The following ABTB3 variants were observed in gnomAD, a reference collection of about 807,000 sequenced individuals.
The protein encoded by ABTB3 is ankyrin repeat and BTB domain containing 3, also known as ankyrin repeat- and BTB/POZ domain-containing protein 3.
the ABTB3 span, among the ~76,000 whole-genome samples, chr12:107,512,380 A>G: frequency 6.6e-6 from 1 of 152,248 alleles, no homozygotes; most frequent in Non-Finnish European, 1.5e-5. Flanking sequence ...GGTAAGAAAC[A>G]CATCTATGCT....
the ABTB3 span, among the ~76,000 whole-genome samples, chr12:107,500,156 C>T: frequency 0.3 from 46,065 of 152,058 alleles, 9,111 homozygotes; most frequent in African/African-American, 0.56. Flanking sequence ...AACCATATCA[C>T]CCTGGTAGGA....
At chr12:107,526,079 T>C in the ABTB3 span, among the ~76,000 whole-genome samples, 5 of 152,106 alleles carry the variant, frequency 3.3e-5, no homozygotes, top group African/African-American at 1.2e-4. Context: ...GAATGTCAAA[T>C]GAATAATGAA....
At chr12:107,450,110 C>G in the ABTB3 span, among the ~76,000 whole-genome samples, 2 of 151,946 alleles carry the variant, frequency 1.3e-5, no homozygotes, top group Non-Finnish European at 2.9e-5. Context: ...TAATGAACAG[C>G]TCACAGAGAC....
chr12:107,552,657 A>C, the ABTB3 span, among the ~76,000 whole-genome samples: 1 of 152,220 alleles, frequency 6.6e-6, no homozygotes, highest in African/African-American at 2.4e-5. Flanking sequence ...AAAGTTAATG[A>C]AATCGAAGCC....
the ABTB3 span, among the ~76,000 whole-genome samples, chr12:107,530,282 C>G: frequency 1.3e-5 from 2 of 152,134 alleles, no homozygotes; most frequent in Non-Finnish European, 2.9e-5. Context: ...TTCTCCACTT[C>G]CTTTTGAATC....
At chr12:107,399,373 G>A in the ABTB3 span, among the ~76,000 whole-genome samples, 2 of 152,182 alleles carry the variant, frequency 1.3e-5, no homozygotes, top group Non-Finnish European at 2.9e-5. Context: ...TCCCCAAGCA[G>A]GGGCACAGCA....
the ABTB3 span, among the ~76,000 whole-genome samples, chr12:107,337,341 G>A: frequency 6.6e-6 from 1 of 152,198 alleles, no homozygotes; most frequent in Admixed American, 6.5e-5. Context: ...TTCTCAGCTG[G>A]ATCGGGATCT....
the ABTB3 span, among the ~76,000 whole-genome samples, chr12:107,375,902 G>A: frequency 6.6e-6 from 1 of 152,114 alleles, no homozygotes; most frequent in African/African-American, 2.4e-5. Flanking sequence ...TTCCTGCCTC[G>A]ACTGAGGCTG....
At chr12:107,525,199 C>T in the ABTB3 span, among the ~76,000 whole-genome samples, 9 of 151,598 alleles carry the variant, frequency 5.9e-5, no homozygotes, top group East Asian at 3.9e-4. Context: ...TGGTGGCATG[C>T]GCCTGTAGTC....
chr12:107,617,434 CAGGT>C, the ABTB3 span: 1 of 1,613,972 alleles, frequency 6.2e-7, no homozygotes. Flanking sequence ...CCCACGGACA[CAGGT>C]AGGCTAGGAT....
chr12:107,358,971 C>T, the ABTB3 span, among the ~76,000 whole-genome samples: 1 of 152,208 alleles, frequency 6.6e-6, no homozygotes, highest in South Asian at 2.1e-4. Context: ...GCATCCAGGC[C>T]AGGCCTGACT....
chr12:107,344,719 G>A, the ABTB3 span, among the ~76,000 whole-genome samples: 60 of 152,226 alleles, frequency 3.9e-4, no homozygotes, highest in African/African-American at 1.2e-3. Flanking sequence ...ATTTGTTAAA[G>A]CAGAGGTAGA....
the ABTB3 span, among the ~76,000 whole-genome samples, chr12:107,504,852 C>T: frequency 1.3e-5 from 2 of 152,240 alleles, no homozygotes; most frequent in Non-Finnish European, 2.9e-5. Flanking sequence ...TGTGAAGTCT[C>T]TCCATTTCTT....
chr12:107,539,068 C>T, the ABTB3 span, among the ~76,000 whole-genome samples: 5 of 152,164 alleles, frequency 3.3e-5, no homozygotes, highest in African/African-American at 1.2e-4. Context: ...TTGCCTCCTC[C>T]CTCAATTTTC....
the ABTB3 span, among the ~76,000 whole-genome samples, chr12:107,437,190 T>C: frequency 6.6e-6 from 1 of 152,084 alleles, no homozygotes; most frequent in East Asian, 1.9e-4. Context: ...ACAACAGAAA[T>C]GTATTCCAAC....
At chr12:107,551,542 C>G in the ABTB3 span, among the ~76,000 whole-genome samples, 1 of 152,176 alleles carries the variant, frequency 6.6e-6, no homozygotes, top group Middle Eastern at 3.2e-3. Context: ...CTAACAACAC[C>G]CTGCTGATAA....
the ABTB3 span, among the ~76,000 whole-genome samples, chr12:107,621,250 C>G: frequency 6.6e-6 from 1 of 151,192 alleles, no homozygotes; most frequent in South Asian, 2.1e-4. Context: ...AGGTCAAGAC[C>G]CACCAGGACC....
the ABTB3 span, among the ~76,000 whole-genome samples, chr12:107,608,720 G>C: frequency 4.0e-5 from 6 of 151,482 alleles, no homozygotes; most frequent in Non-Finnish European, 8.8e-5. Context: ...AATTTTTTTT[G>C]ATGAGCTGGG....
chr12:107,464,630 A>T, the ABTB3 span, among the ~76,000 whole-genome samples: 1 of 152,312 alleles, frequency 6.6e-6, no homozygotes, highest in East Asian at 1.9e-4. Context: ...ATTTGACCAG[A>T]GGCCTGAAAA....
Sources: allele counts gnomAD v4.1 joint callset (sites outside exome capture counted in the v4.1 genomes callset), GRCh38; gene constraint gnomAD v4.1.1; transcripts MANE v1.5; gene names NCBI Gene and HGNC (gene_info 2026-07-23, HGNC 2026-07-21).